GRID2: variants seen among roughly 807,000 people sequenced by gnomAD.
GRID2 encodes glutamate ionotropic receptor delta type subunit 2, also known as glutamate receptor ionotropic, delta-2.
A neutral mutation model predicts 114.8 loss-of-function variants in GRID2; 33 were observed. The observed-to-expected ratio is 0.29, with a 90% confidence interval of 0.22 to 0.38. The LOEUF is 0.38. GRID2 is among the 10% of genes least tolerant of loss of function. GRID2 has a pLI of 1.00. For missense variants in GRID2, 1,184 were observed against 1,257.7 expected, an observed-to-expected ratio of 0.94 and a Z score of 0.89; for synonymous variants, 505 against 449.9, an observed-to-expected ratio of 1.12 and a Z score of -1.55.
In GRID2 at chr4:92,642,465, C is replaced by T. The variant is rs555724531; in HGVS notation, c.244+52179C>T. 1.5e-4 allele frequency among the ~76,000 whole-genome samples: 23 copies of T among 151,934 alleles called. No homozygotes were observed. In the South Asian group the frequency reaches 3.9e-3, roughly 26 times the overall value. ...TTGAAAAGTGTTGATGTCCTTTTCCCATTTTTAAATGGAGTTATCTGTTTT... is the reference window on the plus strand; with the variant it reads ...TTGAAAAGTGTTGATGTCCTTTTCCTATTTTTAAATGGAGTTATCTGTTTT... On this transcript the variant is annotated intron_variant, in intron 2 of 15. Coordinates refer to ENST00000282020, the MANE Select transcript of GRID2 (RefSeq NM_001510.4).
chr4:93,414,980 T>G (rs2149357926), intron 9 of GRID2, among the ~76,000 whole-genome samples: 1 of 152,238 alleles, frequency 6.6e-6, no homozygotes, highest in Non-Finnish European at 1.5e-5. Context: ...ATTCCAATAT[T>G]TAATTAGCTT....
At chr4:93,138,353 ATAT>A (rs1735459448) in intron 4 of GRID2, among the ~76,000 whole-genome samples, 2 of 152,130 alleles carry the variant, frequency 1.3e-5, no homozygotes, top group Non-Finnish European at 1.5e-5. Context: ...ACACCTAAGA[ATAT>A]TATGGCTACA....
At chr4:92,691,068 A>G (rs2149292897) in intron 2 of GRID2, among the ~76,000 whole-genome samples, 1 of 152,254 alleles carries the variant, frequency 6.6e-6, no homozygotes, top group East Asian at 1.9e-4. Flanking sequence ...TGAAGGAACT[A>G]GTCTTCATTA....
chr4:93,691,322 A>G (rs1354264225), intron 14 of GRID2, among the ~76,000 whole-genome samples: 1 of 152,062 alleles, frequency 6.6e-6, no homozygotes, highest in African/African-American at 2.4e-5. Context: ...CAGATTATTC[A>G]AAGCGTTTTA....
At chr4:93,151,181 C>G (rs1736711104) in intron 4 of GRID2, among the ~76,000 whole-genome samples, 1 of 151,692 alleles carries the variant, frequency 6.6e-6, no homozygotes, top group South Asian at 2.1e-4. Flanking sequence ...AGCACTGCCT[C>G]CAGCTCATAT....
intron 8 of GRID2, among the ~76,000 whole-genome samples, chr4:93,304,027 T>A (rs1028583779): frequency 6.6e-6 from 1 of 151,812 alleles, no homozygotes; most frequent in African/African-American, 2.4e-5. Flanking sequence ...ACCTCAGAAT[T>A]ATTATTAAAT....
intron 2 of GRID2, among the ~76,000 whole-genome samples, chr4:92,962,650 G>A (rs550032806): frequency 4.6e-5 from 7 of 152,038 alleles, no homozygotes; most frequent in African/African-American, 1.7e-4. Flanking sequence ...CCCTTCCCCT[G>A]CTGGAAGCAT....
chr4:93,215,103 A>G (rs1744038688), intron 5 of GRID2, among the ~76,000 whole-genome samples: 1 of 152,048 alleles, frequency 6.6e-6, no homozygotes, highest in Admixed American at 6.6e-5. Context: ...TGCTTAACAT[A>G]TAGTAGATAC....
At chr4:93,200,619 A>C (rs1742001793) in intron 4 of GRID2, among the ~76,000 whole-genome samples, 1 of 152,334 alleles carries the variant, frequency 6.6e-6, no homozygotes, top group African/African-American at 2.4e-5. Flanking sequence ...CATTTGTGTC[A>C]TATAAAATAC....
chr4:93,463,795 C>A (rs934158882), intron 11 of GRID2, among the ~76,000 whole-genome samples: 8 of 152,112 alleles, frequency 5.3e-5, no homozygotes, highest in Admixed American at 2.0e-4. Context: ...CGAGACCATC[C>A]TGGCTAACAT....
At chr4:93,333,440 C>T (rs1025500677) in intron 8 of GRID2, among the ~76,000 whole-genome samples, 5 of 152,140 alleles carry the variant, frequency 3.3e-5, no homozygotes, top group African/African-American at 1.2e-4. Context: ...GTGTGTCTCT[C>T]CTTTACAAAC....
intron 8 of GRID2, among the ~76,000 whole-genome samples, chr4:93,340,553 T>G (rs1759545607): frequency 6.6e-6 from 1 of 152,122 alleles, no homozygotes; most frequent in African/African-American, 2.4e-5. Flanking sequence ...GGTTTCTAGA[T>G]TATTTTCAGT....
At chr4:93,129,757 C>T (rs971039016) in intron 4 of GRID2, among the ~76,000 whole-genome samples, 16 of 152,234 alleles carry the variant, frequency 1.1e-4, no homozygotes, top group African/African-American at 3.9e-4. Context: ...ATGTTTGGCA[C>T]TCAGACACAT....
chr4:93,262,866 C>T (rs530272645), intron 8 of GRID2, among the ~76,000 whole-genome samples: 24 of 151,906 alleles, frequency 1.6e-4, no homozygotes, highest in African/African-American at 5.3e-4. Flanking sequence ...CTGTAGCATT[C>T]TAAAGTATTT....
chr4:92,408,754 G>A (rs1157965900), intron 1 of GRID2, among the ~76,000 whole-genome samples: 1 of 151,788 alleles, frequency 6.6e-6, no homozygotes, highest in Non-Finnish European at 1.5e-5. Flanking sequence ...AAATGGGATT[G>A]TGTTCTTGAT....
chr4:93,262,994 G>A (rs537410962), intron 8 of GRID2, among the ~76,000 whole-genome samples: 6 of 151,834 alleles, frequency 4.0e-5, no homozygotes, highest in Non-Finnish European at 7.4e-5. Flanking sequence ...CTACTAAGGA[G>A]TTACATTGCT....
intron 1 of GRID2, among the ~76,000 whole-genome samples, chr4:92,458,364 AT>A (rs1721319516): frequency 1.3e-5 from 2 of 152,166 alleles, no homozygotes; most frequent in Non-Finnish European, 2.9e-5. Flanking sequence ...GACCTTTGTC[AT>A]TTCATATAAA....
In GRID2 at chr4:93,524,359, T is replaced by C. The variant is rs577817703; in HGVS notation, c.2193+8948T>C. Among the ~76,000 whole-genome samples, 5 of 152,220 alleles carry C rather than the reference T, an allele frequency of 3.3e-5. No homozygotes were observed. The South Asian group carries it at 1.0e-3, about 32-fold the overall frequency. ...GCTGAGAGCTCCGATACCACTGGCATATTTTCTGCTCTCTAGAAATCAGAG... is the reference window on the plus strand; with the variant it reads ...GCTGAGAGCTCCGATACCACTGGCACATTTTCTGCTCTCTAGAAATCAGAG... On this transcript the variant is annotated intron_variant, in intron 13 of 15. Coordinates refer to ENST00000282020, the MANE Select transcript of GRID2 (RefSeq NM_001510.4).
intron 2 of GRID2, among the ~76,000 whole-genome samples, chr4:92,928,946 TCCACCTTCCACCCCACC>T (rs1367420575): frequency 6.6e-6 from 1 of 151,496 alleles, no homozygotes; most frequent in Non-Finnish European, 1.5e-5. Context: ...GCTAAAGAAG[TCCACCTTCCACCCCACC>T]CCCAAATGAA....
Sources: gnomAD v4.1 joint callset for allele counts (sites outside exome capture counted in the v4.1 genomes callset) on GRCh38, gnomAD v4.1.1 for gene constraint, MANE v1.5 for transcripts, NCBI Gene and HGNC (gene_info 2026-07-23, HGNC 2026-07-21) for gene names.